The following GNA15 variants were observed in gnomAD, a reference collection of about 807,000 sequenced individuals.
GNA15 encodes G protein subunit alpha 15.
A neutral mutation model predicts 40.1 loss-of-function variants in GNA15; 23 were observed. The observed-to-expected ratio is 0.57, with a 90% CI of 0.41 to 0.81. The LOEUF (loss-of-function observed/expected upper bound fraction) is 0.81. GNA15 is among the 40% of genes least tolerant of loss of function. The probability of loss-of-function intolerance (pLI) is 0.00; values close to 1 mark genes in which losing one functional copy is unlikely to be tolerated. For synonymous variants in GNA15, 226 were observed against 210.4 expected (o/e 1.07, Z -0.64); for missense variants, 522 against 515.8 (o/e 1.01, Z -0.12).
At chr19:3,148,290 G>A (rs547049592) in intron 1 of GNA15, among the ~76,000 whole-genome samples, 1 of 152,162 alleles carries the variant, frequency 6.6e-6, no homozygotes, top group Admixed American at 6.5e-5. Context: ...GTTTCGCCAT[G>A]TTTACCAGGT....
chr19:3,160,460 TG>T (rs1297647427), intron 6 of GNA15, among the ~76,000 whole-genome samples: 2 of 152,206 alleles, frequency 1.3e-5, no homozygotes, highest in East Asian at 3.9e-4. Context: ...CTGCTTCTCA[TG>T]ATAGCCTCAG....
chr19:3,148,602 A>T lies in GNA15; in HGVS notation c.157A>T (p.Ser53Cys), dbSNP rs1226527441. The change falls in exon 2 of 7, where the codon AGC becomes TGC. Residue 53 changes from serine to cysteine, a missense_variant. By Grantham distance (112) the Ser-to-Cys change is moderately radical (BLOSUM62 -1). Transcript: ENST00000262958. ...TGCTCCATCCCCAGGCCCAGGCGAG[A>T]GCGGGAAGAGCACCTTCATCAAGCA... ...LKLLLLGPGE[S>C]GKSTFIKQMR... 2.5e-6 allele frequency: 4 copies of T among 1,579,180 alleles called. No individual in the cohort carries two copies. The highest frequency in any genetic ancestry group is 1.2e-5 in the South Asian group (1 of 86,906).
In GNA15 at chr19:3,151,841, C is replaced by T. The variant is rs146069356; in HGVS notation, c.614+6C>T. ...GTGCAGAAAACCAACCTGCGGTGAG[C>T]GCTCCACCTAGGCCCAGCCTAGGGG... On this transcript the variant is annotated splice_donor_region_variant and intron_variant, in intron 4 of 6. Transcript: ENST00000262958. The surrounding 1 kb of genome is among the most constrained non-coding windows in gnomAD (Gnocchi z 5.0). The T allele has an allele frequency of 6.8e-3, 10,870 of 1,602,204 alleles. 68 individuals carry two copies. The highest frequency in any genetic ancestry group is 0.012 in the Middle Eastern group (72 of 6,024).
chr19:3,137,917 G>C (rs1914490400), intron 1 of GNA15, among the ~76,000 whole-genome samples: 2 of 149,126 alleles, frequency 1.3e-5, no homozygotes, highest in South Asian at 4.3e-4. Context: ...GCTGAGATCG[G>C]GCCACTGCAC....
chr19:3,162,152 T>G (rs993035189), intron 6 of GNA15, among the ~76,000 whole-genome samples: 3 of 152,084 alleles, frequency 2.0e-5, no homozygotes, highest in Non-Finnish European at 2.9e-5. Context: ...TAAAACCCTA[T>G]GCAGGGCTGG....
chr19:3,160,215 T>C (rs1373988034), intron 6 of GNA15, among the ~76,000 whole-genome samples: 1 of 151,680 alleles, frequency 6.6e-6, no homozygotes, highest in Admixed American at 6.6e-5. Flanking sequence ...CCCCCATATG[T>C]CTGGTGCCTT....
At chr19:3,137,387 CTG>C (rs1914481744) in intron 1 of GNA15, among the ~76,000 whole-genome samples, 1 of 152,196 alleles carries the variant, frequency 6.6e-6, no homozygotes. Context: ...TGGCTCAAGC[CTG>C]TGATTTCAGC....
intron 1 of GNA15, among the ~76,000 whole-genome samples, chr19:3,138,652 A>T (rs1298695585): frequency 6.6e-6 from 1 of 152,028 alleles, no homozygotes; most frequent in Non-Finnish European, 1.5e-5. Flanking sequence ...TTTTTTTGAG[A>T]CGGAGTCTTG....
Position 3,136,378 on chromosome 19 carries a change from T to TGGGCTGGG in GNA15, c.-70_-63dup. The stretch of plus-strand genomic sequence containing the variant: ...GCCCGGAGCCCTCTCCAGGGCCGGC[T>TGGGCTGGG]GGGCTGGGGGTTGCCCTGGCCAGCA... On this transcript the variant is annotated 5_prime_UTR_variant, in exon 1 of 7. Coordinates refer to ENST00000262958, the MANE Select transcript of GNA15 (RefSeq NM_002068.4). The surrounding 1 kb of genome is among the most constrained non-coding windows in gnomAD (Gnocchi z 4.9). 6.8e-7 allele frequency: 1 copy of TGGGCTGGG among 1,467,196 alleles called. No individual in the cohort carries two copies. Among genetic ancestry groups the TGGGCTGGG allele is most frequent in the Non-Finnish European group, 9.1e-7 (1 of 1,098,484 alleles). 90.9% of individuals were successfully genotyped at this position (1,467,196 alleles called of 1,614,324 possible). A position where few individuals can be genotyped will look rare whatever the true frequency, so the allele number is the denominator to read the frequency against.
Position 3,159,789 on chromosome 19 carries a change from G to A in GNA15, c.898+1908G>A, listed in dbSNP as rs149459073. The stretch of plus-strand genomic sequence containing the variant: ...TTTAATTACATATGAATCAAGACAC[G>A]TACAATGGGCAAAAACAGGTTTGGG... On this transcript the variant is annotated intron_variant, in intron 6 of 6. Transcript: ENST00000262958. Among the ~76,000 whole-genome samples, 8 of 152,278 alleles carry A rather than the reference G, an allele frequency of 5.3e-5. No individual in the cohort carries two copies. The East Asian group carries it at 1.2e-3, about 22-fold the overall frequency.
Position 3,136,586 on chromosome 19 carries a change from C to T in GNA15, c.136C>T (p.Leu46=). 1.9e-6 allele frequency: 3 copies of T among 1,558,322 alleles called. No individual in the cohort carries two copies. The highest frequency in any genetic ancestry group is 2.6e-6 in the Non-Finnish European group (3 of 1,151,400). ...KKQDRGELKL[L]LLGPGESGKS... is the part of the protein sequence containing the mutation. ...GCAGGACCGCGGGGAGCTGAAGCTG[C>T]TGCTTTTGGGTGAGTCCAGGGTCGG... The change falls in exon 1 of 7, where the codon CTG becomes TTG. Residue 46 remains leucine, a synonymous_variant. Coordinates refer to ENST00000262958, the MANE Select transcript of GNA15 (RefSeq NM_002068.4). The surrounding 1 kb of genome is among the most constrained non-coding windows in gnomAD (Gnocchi z 4.9).
intron 6 of GNA15, among the ~76,000 whole-genome samples, chr19:3,161,246 GCCTGGCCATGA>G (rs1915133682): frequency 1.3e-5 from 2 of 152,116 alleles, no homozygotes; most frequent in Non-Finnish European, 2.9e-5. Flanking sequence ...GAGCCCTCAT[GCCTGGCCATGA>G]CCTAATTTAA....
chr19:3,148,078 T>TGC (rs1914777584), intron 1 of GNA15, among the ~76,000 whole-genome samples: 2 of 151,732 alleles, frequency 1.3e-5, no homozygotes, highest in East Asian at 3.9e-4. Context: ...ATGTTTTGTT[T>TGC]TTTTTGTTTG....
intron 1 of GNA15, among the ~76,000 whole-genome samples, chr19:3,148,075 GT>G (rs60313027): frequency 0.56 from 84,639 of 150,928 alleles, 23,886 homozygotes; most frequent in East Asian, 0.71. Context: ...TCCATGTTTT[GT>G]TTTTTTTGTT....
chr19:3,145,336 A>AATAT lies in GNA15; in HGVS notation c.146-3234_146-3231dup, dbSNP rs1191752115. On this transcript the variant is annotated intron_variant, in intron 1 of 6. Transcript: ENST00000262958. ...CAGTGTGCACCACTACGTCTGACTA[A>AATAT]ATATATATATATATATATATATATT... 2.3e-3 allele frequency among the ~76,000 whole-genome samples: 136 copies of AATAT among 60,206 alleles called. 5 individuals are homozygous for AATAT. Among genetic ancestry groups the AATAT allele is most frequent in the East Asian group, 0.022 (47 of 2,184 alleles). The allele number at this position is 60,206 out of a possible 152,430, so 39.5% of individuals were successfully genotyped here.
At chr19:3,150,024 G>A in intron 2 of GNA15, 107 bp from the exon 3 acceptor site, 1 of 896,380 alleles carries the variant, frequency 1.1e-6, no homozygotes, top group Admixed American at 2.4e-5. Context: ...GAGAGCAGTG[G>A]GAAGAGAGCG....
At chr19:3,158,221 C>T (rs193298026) in intron 6 of GNA15, among the ~76,000 whole-genome samples, 96 of 152,246 alleles carry the variant, frequency 6.3e-4, no homozygotes, top group African/African-American at 2.2e-3. Flanking sequence ...GTGATCTCGG[C>T]TCACTGCAAC....
In GNA15 at chr19:3,151,800, C is replaced by T. The variant is rs115644662; in HGVS notation, c.579C>T (p.Asn193=). The T allele has an allele frequency of 4.6e-5, 74 of 1,612,566 alleles. No individual in the cohort carries two copies. The Middle Eastern group carries it at 6.6e-4, about 14-fold the overall frequency. The change falls in exon 4 of 7, where the codon AAC becomes AAT. Residue 193 remains asparagine (N), a synonymous_variant. Coordinates refer to ENST00000262958, the MANE Select transcript of GNA15 (RefSeq NM_002068.4). This position sits in a 1 kb window ranked among gnomAD's most constrained non-coding sequence, Gnocchi z 5.0. ...GCCGCATGCCCACCACTGGCATCAA[C>T]GAGTACTGCTTCTCCGTGCAGAAAA... The part of the protein sequence containing the change: ...LRSRMPTTGI[N]EYCFSVQKTN...
intron 1 of GNA15, among the ~76,000 whole-genome samples, chr19:3,138,192 G>C (rs1449563447): frequency 1.3e-5 from 2 of 152,148 alleles, no homozygotes; most frequent in African/African-American, 4.8e-5. Context: ...CTTGAAACCA[G>C]GAGGTGGAGG....
Sources: allele counts gnomAD v4.1 joint callset (sites outside exome capture counted in the v4.1 genomes callset), GRCh38; gene constraint gnomAD v4.1.1; non-coding constraint Gnocchi (gnomAD v3.1); transcripts MANE v1.5; gene names NCBI Gene and HGNC (gene_info 2026-07-23, HGNC 2026-07-21).